MGAM: variants seen among roughly 807,000 people sequenced by gnomAD.
MGAM encodes the protein maltase-glucoamylase.
Under a neutral mutation model 358.8 loss-of-function variants are expected in MGAM, and 253 were observed. The observed-to-expected ratio is 0.71, with a 90% CI of 0.64 to 0.78. The LOEUF is 0.78. MGAM is among the 30% of genes least tolerant of loss of function. The pLI is 0.00. For missense variants in MGAM, 3,080 were observed against 3,432.6 expected, an observed-to-expected ratio of 0.90 and a Z score of 2.57; for synonymous variants, 1,105 against 1,227.1, an observed-to-expected ratio of 0.90 and a Z score of 2.08.
rs1491533494 is a variant in MGAM at position 142,041,937 on chromosome 7, ATT to A, written c.2498+1092_2498+1093del. ...TATACGTATAATATATAATATATATATTATATATATACATATATATAATATAT... is the reference window on the plus strand; with the variant it reads ...TATACGTATAATATATAATATATATAATATATATACATATATATAATATAT... On this transcript the variant is annotated intron_variant, in intron 21 of 70. Coordinates refer to ENST00000475668, the MANE Select transcript of MGAM (RefSeq NM_001365693.1). Among the ~76,000 whole-genome samples the A allele has an allele frequency of 2.3e-4, 14 of 60,642 alleles. No individual in the cohort carries two copies. The East Asian group carries it at 2.8e-3, about 12-fold the overall frequency. 39.8% of individuals were successfully genotyped at this position (60,642 alleles called of 152,430 possible).
chr7:142,102,805 A>T (rs571386233), intron 69 of MGAM, 126 bp downstream of exon 69: 1 of 915,760 alleles, frequency 1.1e-6, no homozygotes, highest in Admixed American at 2.4e-5. Context: ...ACATTCTTCT[A>T]CTTCTCTAGA....
chr7:142,049,866 A>G (rs1810770198), intron 22 of MGAM, among the ~76,000 whole-genome samples: 1 of 152,208 alleles, frequency 6.6e-6, no homozygotes, highest in Non-Finnish European at 1.5e-5. Context: ...AATTGTTACA[A>G]CCGTTATGGA....
chr7:142,040,742 G>T lies in MGAM; in HGVS notation c.2394G>T (p.Arg798Ser). Residue 798 changes from arginine to serine, a missense_variant, in exon 21 of 71, where the codon AGG becomes AGT. Arg to Ser is a moderately radical substitution (Grantham distance 110). Transcript: ENST00000475668. ...DYETGSQVRW[R>S]KQKVEMELPG... ...ATCAGGGGAGCCAAGTGAGATGGAG[G>T]AAGCAAAAAGTCGAGATGGAACTTC... 1 of 1,613,134 alleles carries T rather than the reference G, an allele frequency of 6.2e-7. No individual in the cohort carries two copies. Among genetic ancestry groups the T allele is most frequent in the South Asian group, 1.1e-5 (1 of 90,982 alleles).
At chr7:142,005,383 G>A (rs1295970514) in intron 1 of MGAM, 146 bp from the exon 2 acceptor site, 1 of 568,396 alleles carries the variant, frequency 1.8e-6, no homozygotes, top group Non-Finnish European at 2.9e-6. Context: ...TTGGCCATGA[G>A]CTGATAATTT....
chr7:141,998,202 A>G (rs933688402), intron 1 of MGAM, among the ~76,000 whole-genome samples: 2 of 152,198 alleles, frequency 1.3e-5, no homozygotes, highest in East Asian at 1.9e-4. Context: ...AGAAGAAAAA[A>G]ATTCTATTGC....
chr7:141,986,966 G>T (rs1344666426), intron 2 of MGAM, among the ~76,000 whole-genome samples: 2 of 152,164 alleles, frequency 1.3e-5, no homozygotes, highest in Admixed American at 6.5e-5. Context: ...GAAAAATGCA[G>T]ATAACAGGAG....
At position 142,094,756 on chromosome 7, in the gene MGAM, G is replaced by A. The variant is rs1815737530; in HGVS notation, c.7351G>A (p.Asp2451Asn). 6.2e-7 allele frequency: 1 copy of A among 1,613,806 alleles called. No individual in the cohort carries two copies. The highest frequency in any genetic ancestry group is 8.5e-7 in the Non-Finnish European group (1 of 1,179,854). Reference sequence around the variant, plus strand: ...TTTCCTCTTGTTTCAGACGGGAGCAGATATCTGTGGGTTCTTTCAAGATGC... The same window carrying A: ...TTTCCTCTTGTTTCAGACGGGAGCAAATATCTGTGGGTTCTTTCAAGATGC... ...SLFGISYTGADICGFFQDAEY... is the reference protein window; with the variant it reads ...SLFGISYTGANICGFFQDAEY... Residue 2451 changes from aspartate (D) to asparagine (N), a missense_variant, in exon 63 of 71, where the codon GAT (aspartate) becomes AAT (asparagine). Around this residue, in one of 5 missense-constraint regions of MGAM, gnomAD observed 932 missense variants for 1,198.2 expected, o/e 0.78. Coordinates refer to ENST00000475668, the MANE Select transcript of MGAM (RefSeq NM_001365693.1).
At chr7:142,035,684 G>T (rs1271059759) in intron 16 of MGAM, among the ~76,000 whole-genome samples, 1 of 152,156 alleles carries the variant, frequency 6.6e-6, no homozygotes. Context: ...GGACTGGAAT[G>T]AGAAATGATG....
intron 21 of MGAM, among the ~76,000 whole-genome samples, chr7:142,045,208 A>ACATATGTGATATATAATATATATTATAT: frequency 8.0e-5 from 1 of 12,446 alleles, no homozygotes; most frequent in Non-Finnish European, 1.3e-4. Flanking sequence ...TATATTATAT[A>ACATATGTGATATATAATATATATTATAT]ACATATATGT....
In MGAM at chr7:142,032,155, C is replaced by T. The variant is rs527765768; in HGVS notation, c.1584+362C>T. On this transcript the variant is annotated intron_variant, in intron 13 of 70. Coordinates refer to ENST00000475668, the MANE Select transcript of MGAM (RefSeq NM_001365693.1). ...CTAGTTGAAGACTCTTCCTTTTGGA[C>T]ATGTTGAACAAATTGATCAGAGCCA... 1.1e-3 allele frequency among the ~76,000 whole-genome samples: 159 copies of T among 150,728 alleles called. 2 individuals carry two copies. The highest frequency in any genetic ancestry group is 4.3e-4 in the Non-Finnish European group (29 of 67,850).
chr7:142,071,112 A>G lies in MGAM; in HGVS notation c.5180A>G (p.His1727Arg). Reference protein sequence around the residue: ...LPWQEPALNTHLSRKNPLGLI... With the variant: ...LPWQEPALNTRLSRKNPLGLI... ...TGGCAAGAGCCTGCACTGAACACCC[A>G]CTTAAGGTGAATGACAGGACTCAGG... Residue 1727 changes from histidine to arginine, a missense_variant, in exon 44 of 71, where the codon CAC becomes CGC. Coordinates refer to ENST00000475668, the MANE Select transcript of MGAM (RefSeq NM_001365693.1). The G allele has an allele frequency of 6.4e-7, 1 of 1,553,224 alleles. No individual in the cohort carries two copies. The highest frequency in any genetic ancestry group is 8.8e-7 in the Non-Finnish European group (1 of 1,130,796).
rs373923141 is a variant in MGAM, at chr7:142,100,788, C to T, written c.7875-14C>T. The T allele has an allele frequency of 8.7e-6, 14 of 1,604,432 alleles. No homozygotes were observed. The highest frequency in any genetic ancestry group is 5.3e-5 in the African/African-American group (4 of 74,936). On this transcript the variant is annotated splice_polypyrimidine_tract_variant and intron_variant, in intron 67 of 70. Coordinates refer to ENST00000475668, the MANE Select transcript of MGAM (RefSeq NM_001365693.1). ...TTTACTTTTAGCTAATGCCTCTCTGCCTGCTCACTGCAGCCGCCAGAAATT... is the reference window on the plus strand; with the variant it reads ...TTTACTTTTAGCTAATGCCTCTCTGTCTGCTCACTGCAGCCGCCAGAAATT...
At position 142,088,600 on chromosome 7, in the gene MGAM, A is replaced by G. The variant is rs1409764561; in HGVS notation, c.6810+1883A>G. On this transcript the variant is annotated intron_variant, in intron 57 of 70. Transcript: ENST00000475668. ...TCATCTACCTCATCTATCTATATCT[A>G]TCTATCTATCTATCCACTCTATCTA... 3.5e-5 allele frequency among the ~76,000 whole-genome samples: 5 copies of G among 143,272 alleles called. 1 individual carries two copies. The highest frequency in any genetic ancestry group is 1.2e-4 in the African/African-American group (5 of 40,510). The allele number at this position is 143,272 out of a possible 152,430, so 94.0% of individuals were successfully genotyped here. A position where few individuals can be genotyped will look rare whatever the true frequency, so the allele number is the denominator to read the frequency against.
At chr7:142,088,834 T>TACC (rs1340145320) in intron 57 of MGAM, among the ~76,000 whole-genome samples, 3 of 133,016 alleles carry the variant, frequency 2.3e-5, no homozygotes, top group Middle Eastern at 4.0e-3. Context: ...TCTATCTATC[T>TACC]ATCTATCTAT....
chr7:141,993,081 A>C (rs969001377), upstream of MGAM, among the ~76,000 whole-genome samples: 2 of 152,232 alleles, frequency 1.3e-5, no homozygotes, highest in Non-Finnish European at 2.9e-5. Context: ...AAATTGATTC[A>C]ATTTTGATTA....
chr7:142,103,214 G>A, intron 69 of MGAM, 55 bp from the exon 70 acceptor site: 1 of 1,420,708 alleles, frequency 7.0e-7, no homozygotes, highest in Non-Finnish European at 9.4e-7. Context: ...AAAGAGGTTA[G>A]AAAAATTTGA....
intron 57 of MGAM, among the ~76,000 whole-genome samples, chr7:142,087,934 TTGATCACCAGGAATGTGACTGG>T (rs1814907486): frequency 6.8e-6 from 1 of 146,208 alleles, no homozygotes; most frequent in South Asian, 2.2e-4. Context: ...AGGAGAAACA[TTGATCACCAGGAATGTGACTGG>T]TGATCACCAG....
chr7:142,025,242 G>C, intron 8 of MGAM, 93 bp downstream of exon 8: 1 of 956,106 alleles, frequency 1.0e-6, no homozygotes, highest in Non-Finnish European at 1.6e-6. Context: ...CCCTTTAAGA[G>C]TGACTGAGCC....
intron 1 of MGAM, chr7:142,004,403 C>A (rs1372469670): frequency 1.3e-5 from 2 of 151,860 alleles, no homozygotes; most frequent in Non-Finnish European, 2.9e-5. Context: ...CATGGATAGA[C>A]CTGGAGGCTA....
Sources: gnomAD v4.1 joint callset for allele counts (sites outside exome capture counted in the v4.1 genomes callset) on GRCh38, gnomAD v4.1.1 for gene constraint, gnomAD v4.1.1 regional missense constraint, MANE v1.5 for transcripts, NCBI Gene and HGNC (gene_info 2026-07-23, HGNC 2026-07-21) for gene names.